The following SPDYA variants were observed in gnomAD, a reference collection of about 807,000 sequenced individuals.
SPDYA encodes the protein speedy protein A.
Under a neutral mutation model 36.7 loss-of-function variants are expected in SPDYA, and 11 were observed. That is an observed-to-expected ratio of 0.30 (90% CI 0.19 to 0.50). The LOEUF is 0.50. Among genes scored for constraint, SPDYA ranks in the 20% least tolerant of loss-of-function variants. SPDYA has a pLI of 0.98. For synonymous variants in SPDYA, 115 were observed against 118.7 expected (o/e 0.97, Z 0.20); for missense variants, 287 against 370.9 (o/e 0.77, Z 1.86).
At chr2:28,824,879 GAT>G (rs1368220281) in intron 5 of SPDYA, among the ~76,000 whole-genome samples, 1 of 152,074 alleles carries the variant, frequency 6.6e-6, no homozygotes, top group African/African-American at 2.4e-5. Context: ...GTATTCAGGA[GAT>G]ATATTTTCCA....
intron 6 of SPDYA, among the ~76,000 whole-genome samples, chr2:28,833,835 C>T (rs184651944): frequency 6.6e-6 from 1 of 152,096 alleles, no homozygotes; most frequent in East Asian, 1.9e-4. Flanking sequence ...CCAAAAGTAA[C>T]ATGTAACAAA....
Position 28,840,315 on chromosome 2 carries a change from T to TA in SPDYA, c.703dup (p.Arg235LysfsTer5), listed in dbSNP as rs754349209. ...CACCAGTAGATTGTTCACTCTGTGG[T>TA]AAAAAAAGAAGATATGTTAGACTGG... On this transcript the variant is annotated frameshift_variant, in exon 7 of 8. Transcript: ENST00000334056. LOFTEE classifies it high-confidence loss of function. 5.1e-5 allele frequency: 82 copies of TA among 1,611,188 alleles called. No homozygotes were observed. Among genetic ancestry groups the TA allele is most frequent in the African/African-American group, 6.7e-5 (5 of 74,750 alleles).
chr2:28,829,256 A>T lies in SPDYA; in HGVS notation c.489A>T (p.Leu163Phe). The change falls in exon 6 of 8, where the codon TTA (leucine) becomes TTT (phenylalanine). Residue 163 changes from leucine (L) to phenylalanine (F), a missense_variant. By Grantham distance (22) the Leu-to-Phe change is conservative. Coordinates refer to ENST00000334056, the MANE Select transcript of SPDYA (RefSeq NM_182756.4). ...WRKLFPNFLK[L>F]RDQLWDRIDY... is the part of the protein sequence containing the mutation. Reference sequence around the variant, plus strand: ...AATTGTTCCCTAATTTCTTAAAGTTAAGGGACCAGCTCTGGGATAGAATTG... The same window carrying T: ...AATTGTTCCCTAATTTCTTAAAGTTTAGGGACCAGCTCTGGGATAGAATTG... 1 of 1,614,106 alleles carries T rather than the reference A, an allele frequency of 6.2e-7. No homozygotes were observed. Among genetic ancestry groups the T allele is most frequent in the African/African-American group, 1.3e-5 (1 of 75,062 alleles).
At chr2:28,832,019 T>C (rs1039346811) in intron 6 of SPDYA, among the ~76,000 whole-genome samples, 2 of 152,208 alleles carry the variant, frequency 1.3e-5, no homozygotes, top group African/African-American at 2.4e-5. Context: ...TGCTCTAAGA[T>C]ATCCATCAAT....
At chr2:28,843,550 C>CAAA (rs371405702) in intron 7 of SPDYA, among the ~76,000 whole-genome samples, 3 of 110,766 alleles carry the variant, frequency 2.7e-5, no homozygotes, top group African/African-American at 3.5e-5. Context: ...AACTTCGTCT[C>CAAA]AAAAAAAAAA....
chr2:28,832,191 G>C (rs1428139301), intron 6 of SPDYA, among the ~76,000 whole-genome samples: 1 of 152,064 alleles, frequency 6.6e-6, no homozygotes, highest in African/African-American at 2.4e-5. Flanking sequence ...CTATCATTCT[G>C]TAGAAACTTG....
In SPDYA at chr2:28,837,605, C is replaced by T. The variant is rs369068829; in HGVS notation, c.553-2567C>T. Among the ~76,000 whole-genome samples, 32 of 152,296 alleles carry T rather than the reference C, an allele frequency of 2.1e-4. 1 individual carries two copies. The highest frequency in any genetic ancestry group is 7.5e-4 in the African/African-American group (31 of 41,554). ...ATTGCCCATGTATTATTAACTCTCA[C>T]AATTCTTAGATCTAGCTAGGTAATC... On this transcript the variant is annotated intron_variant, in intron 6 of 7. Coordinates refer to ENST00000334056, the MANE Select transcript of SPDYA (RefSeq NM_182756.4).
Position 28,840,229 on chromosome 2 carries a change from A to C in SPDYA, c.610A>C (p.Ser204Arg), listed in dbSNP as rs1279001979. 3 of 1,614,212 alleles carry C rather than the reference A, an allele frequency of 1.9e-6. No individual in the cohort carries two copies. Among genetic ancestry groups the C allele is most frequent in the Non-Finnish European group, 2.5e-6 (3 of 1,180,030 alleles). ...GCAAAGAGAACGTTCTGTTCATCAC[A>C]GTGGAGCTGTCAGAAACTACAACAG... is the stretch of plus-strand genomic sequence containing the variant. ...IWQRERSVHH[S>R]GAVRNYNRDE... is the part of the protein sequence containing the mutation. The change falls in exon 7 of 8, where the codon AGT becomes CGT. Residue 204 changes from serine (S) to arginine (R), a missense_variant. Ser to Arg is a moderately radical substitution (Grantham distance 110). Coordinates refer to ENST00000334056, the MANE Select transcript of SPDYA (RefSeq NM_182756.4).
At chr2:28,826,918 C>T (rs552068901) in intron 5 of SPDYA, among the ~76,000 whole-genome samples, 59 of 149,810 alleles carry the variant, frequency 3.9e-4, no homozygotes, top group Non-Finnish European at 7.9e-4. Context: ...GACCCATCCC[C>T]ATCTTTGCTA....
chr2:28,814,504 A>G (rs1667935796), intron 1 of SPDYA, 109 bp from the exon 2 acceptor site: 2 of 152,194 alleles, frequency 1.3e-5, no homozygotes, highest in Admixed American at 6.5e-5. Flanking sequence ...AAGTAATTTT[A>G]TCTGTTTTGT....
Position 28,850,479 on chromosome 2 carries a change from TGA to T in SPDYA, c.*540_*541del. Reference sequence around the variant, plus strand: ...TTTTTTTCACAAAACTGTTAAAATATGAGTTACTCTCTTTATTGTAAGTTTTT... The same window carrying T: ...TTTTTTTCACAAAACTGTTAAAATATGTTACTCTCTTTATTGTAAGTTTTT... On this transcript the variant is annotated 3_prime_UTR_variant, in exon 8 of 8. Transcript: ENST00000334056. The T allele has an allele frequency of 1.0e-6, 1 of 977,420 alleles. No homozygotes were observed. The highest frequency in any genetic ancestry group is 1.6e-5 in the South Asian group (1 of 63,326). 60.5% of individuals were successfully genotyped at this position (977,420 alleles called of 1,614,324 possible).
chr2:28,838,873 T>C (rs1247150599), intron 6 of SPDYA, among the ~76,000 whole-genome samples: 1 of 152,186 alleles, frequency 6.6e-6, no homozygotes, highest in Non-Finnish European at 1.5e-5. Context: ...ACCTGGACTT[T>C]CTAAATGTTT....
At position 28,849,896 on chromosome 2, in the gene SPDYA, G is replaced by A. The variant is rs373637826; in HGVS notation, c.897G>A (p.Leu299=). Residue 299 remains leucine, a synonymous_variant, in exon 8 of 8, where the codon TTG becomes TTA. Transcript: ENST00000334056. The stretch of plus-strand genomic sequence containing the variant: ...ATAAAGGAAAGAAAACTAATTTCTT[G>A]AAGAAAGACAAATCTATGGAGTGGT... ...QSNKGKKTNF[L]KKDKSMEWFT... is the part of the protein sequence containing the mutation. 2 of 1,593,302 alleles carry A rather than the reference G, an allele frequency of 1.3e-6. No homozygotes were observed. Among genetic ancestry groups the A allele is most frequent in the Non-Finnish European group, 1.7e-6 (2 of 1,174,366 alleles).
intron 5 of SPDYA, among the ~76,000 whole-genome samples, chr2:28,825,437 G>T (rs1284930995): frequency 2.0e-5 from 3 of 152,064 alleles, no homozygotes; most frequent in Non-Finnish European, 2.9e-5. Flanking sequence ...AAAATAACAT[G>T]AATTATAATT....
chr2:28,823,879 G>A (rs1668245435), intron 5 of SPDYA, among the ~76,000 whole-genome samples: 1 of 146,900 alleles, frequency 6.8e-6, no homozygotes, highest in South Asian at 2.2e-4. Context: ...CCAAGTAGCT[G>A]GGATTACAGG....
Position 28,816,259 on chromosome 2 carries a change from A to T in SPDYA, c.235+10A>T, listed in dbSNP as rs1667981724. The T allele has an allele frequency of 6.4e-7, 1 of 1,562,616 alleles. No individual in the cohort carries two copies. The highest frequency in any genetic ancestry group is 1.9e-5 in the Admixed American group (1 of 53,164). ...TTCTTTAAATTATTTGGTAGGTTTA[A>T]AATATTGTAATAGTGGTAATTATAA... is the stretch of plus-strand genomic sequence containing the variant. On this transcript the variant is annotated intron_variant, in intron 3 of 7. Transcript: ENST00000334056.
At chr2:28,816,287 T>C (rs1375050148) in intron 3 of SPDYA, 38 bp downstream of exon 3, 1 of 1,397,078 alleles carries the variant, frequency 7.2e-7, no homozygotes, top group East Asian at 2.3e-5. Context: ...AATTATAAAG[T>C]ACTAAAAACC....
At position 28,828,943 on chromosome 2, in the gene SPDYA, G is replaced by A. The variant is rs557378485; in HGVS notation, c.381-205G>A. ...GTAACTAACTGCATCCCAGAACAAA[G>A]CTCAAGATTTGTAGGAATAAGAAAT... On this transcript the variant is annotated intron_variant, in intron 5 of 7. Coordinates refer to ENST00000334056, the MANE Select transcript of SPDYA (RefSeq NM_182756.4). Among the ~76,000 whole-genome samples, 3 of 152,298 alleles carry A rather than the reference G, an allele frequency of 2.0e-5. No homozygotes were observed. In the East Asian group the frequency reaches 5.8e-4, roughly 29 times the overall value.
Position 28,849,949 on chromosome 2 carries a change from C to T in SPDYA, c.*8C>T, listed in dbSNP as rs770714110. The T allele has an allele frequency of 1.9e-6, 3 of 1,555,892 alleles. No homozygotes were observed. The stretch of plus-strand genomic sequence containing the variant: ...ACAGGAAGTGAAGAATGAGATGGCC[C>T]AACTAAACCAATTTGGAATCATTAA... On this transcript the variant is annotated 3_prime_UTR_variant, in exon 8 of 8. Coordinates refer to ENST00000334056, the MANE Select transcript of SPDYA (RefSeq NM_182756.4).
Sources: allele counts gnomAD v4.1 joint callset (sites outside exome capture counted in the v4.1 genomes callset), GRCh38; gene constraint gnomAD v4.1.1; transcripts MANE v1.5; gene names NCBI Gene and HGNC (gene_info 2026-07-23, HGNC 2026-07-21).